VWC2: variants seen among roughly 807,000 people sequenced by gnomAD.
VWC2 encodes the protein von Willebrand factor C domain containing 2.
In VWC2, 14 loss-of-function variants were observed where a neutral mutation model predicts 29.8. That is an observed-to-expected ratio of 0.47 (90% CI 0.31 to 0.74). The LOEUF is 0.74. Among genes scored for constraint, VWC2 ranks in the 30% least tolerant of loss-of-function variants. The pLI is 0.05. For missense variants in VWC2, 457 were observed against 459.8 expected, an observed-to-expected ratio of 0.99 and a Z score of 0.05; for synonymous variants, 213 against 199.0, an observed-to-expected ratio of 1.07 and a Z score of -0.59.
chr7:49,815,425 A>G (rs979852030), intron 3 of VWC2, among the ~76,000 whole-genome samples: 1 of 152,204 alleles, frequency 6.6e-6, no homozygotes, highest in African/African-American at 2.4e-5. Flanking sequence ...ACATATCACC[A>G]TGTTGTTTTA....
chr7:49,847,892 T>G (rs1195666548), intron 3 of VWC2, among the ~76,000 whole-genome samples: 1 of 152,010 alleles, frequency 6.6e-6, no homozygotes, highest in East Asian at 1.9e-4. Context: ...ACAAGAAAAG[T>G]GCACTCACAG....
Position 49,775,883 on chromosome 7 carries a change from T to C in VWC2, c.448T>C (p.Tyr150His). 6.4e-7 allele frequency: 1 copy of C among 1,558,378 alleles called. No individual in the cohort carries two copies. The highest frequency in any genetic ancestry group is 8.7e-7 in the Non-Finnish European group (1 of 1,152,008). Residue 150 changes from tyrosine (Y) to histidine (H), a missense_variant, in exon 2 of 4, where the codon TAC becomes CAC. By Grantham distance (83) the Tyr-to-His change is moderately conservative (BLOSUM62 2). Transcript: ENST00000340652. Reference sequence around the variant, plus strand: ...ACCCGAGGAGTACGTGTACCCGGACTACCGTGGCAAGGGCTGCGTGGACGA... The same window carrying C: ...ACCCGAGGAGTACGTGTACCCGGACCACCGTGGCAAGGGCTGCGTGGACGA... ...EPPEEYVYPD[Y>H]RGKGCVDESG...
chr7:49,791,956 C>T (rs1380233535), intron 2 of VWC2, among the ~76,000 whole-genome samples: 2 of 152,160 alleles, frequency 1.3e-5, no homozygotes, highest in East Asian at 3.9e-4. Flanking sequence ...CTTGTGTCTG[C>T]TCTCTAGAAA....
chr7:49,834,207 C>T (rs1789603774), intron 3 of VWC2, among the ~76,000 whole-genome samples: 1 of 152,128 alleles, frequency 6.6e-6, no homozygotes, highest in South Asian at 2.1e-4. Flanking sequence ...TGAATATCAC[C>T]GTGTGGGTTA....
intron 2 of VWC2, among the ~76,000 whole-genome samples, chr7:49,789,456 C>T (rs1788415151): frequency 6.6e-6 from 1 of 151,982 alleles, no homozygotes; most frequent in South Asian, 2.1e-4. Context: ...CTCCTTATTA[C>T]ACACTTAGTT....
At chr7:49,805,231 G>A (rs1055493263) in intron 3 of VWC2, among the ~76,000 whole-genome samples, 6 of 152,146 alleles carry the variant, frequency 3.9e-5, no homozygotes, top group African/African-American at 1.4e-4. Context: ...ACTTCTAAAT[G>A]TTGACCCTTT....
chr7:49,912,265 C>A lies in VWC2; in HGVS notation c.*80C>A. On this transcript the variant is annotated 3_prime_UTR_variant, in exon 4 of 4. Coordinates refer to ENST00000340652, the MANE Select transcript of VWC2 (RefSeq NM_198570.5). ...CATTCTAGATGACTCTGGGAACTAT[C>A]AGTCAAAGAAGACTTTTGATGAGGA... 1 of 1,439,336 alleles carries A rather than the reference C, an allele frequency of 6.9e-7. No homozygotes were observed. Among genetic ancestry groups the A allele is most frequent in the Non-Finnish European group, 9.3e-7 (1 of 1,069,528 alleles). 89.2% of individuals were successfully genotyped at this position (1,439,336 alleles called of 1,614,324 possible).
chr7:49,835,467 C>T (rs1583659946), intron 3 of VWC2, among the ~76,000 whole-genome samples: 2 of 152,244 alleles, frequency 1.3e-5, no homozygotes, highest in African/African-American at 4.8e-5. Context: ...CAGGACTGAA[C>T]ACTTGTTAAA....
At chr7:49,821,176 T>C (rs1218817270) in intron 3 of VWC2, among the ~76,000 whole-genome samples, 1 of 152,152 alleles carries the variant, frequency 6.6e-6, no homozygotes, top group Non-Finnish European at 1.5e-5. Context: ...ACTTTTAATA[T>C]TGATTTTTGC....
In VWC2 at chr7:49,912,168, G is replaced by C. The variant is rs145296346; in HGVS notation, c.961G>C (p.Glu321Gln). 5.2e-4 allele frequency: 846 copies of C among 1,613,820 alleles called. 8 individuals are homozygous for C. Among genetic ancestry groups the C allele is most frequent in the Non-Finnish European group, 1.0e-4 (122 of 1,179,918 alleles). Residue 321 changes from glutamate (E) to glutamine (Q), a missense_variant, in exon 4 of 4, where the codon GAA (glutamate) becomes CAA (glutamine). By Grantham distance (29) the Glu-to-Gln change is conservative. Transcript: ENST00000340652. The stretch of plus-strand genomic sequence containing the variant: ...GCGGCAGGCCATGTGCACGAGACAT[G>C]AATGCAGGCAAATGTAGACGCTTCC... ...IERQAMCTRH[E>Q]CRQM
chr7:49,850,231 G>A (rs1398974590), intron 3 of VWC2, among the ~76,000 whole-genome samples: 2 of 150,390 alleles, frequency 1.3e-5, no homozygotes, highest in Non-Finnish European at 2.9e-5. Context: ...TTTGACTGTA[G>A]TAACCTGTCC....
At position 49,917,925 on chromosome 7, in the gene VWC2, T is replaced by G. The variant is rs909752136; in HGVS notation, c.*5740T>G. ...AATTCTATTTTCATTTCTATTAGTT[T>G]TCAGGGTTTATTCTTTTCCTAAGCA... is the stretch of plus-strand genomic sequence containing the variant. On this transcript the variant is annotated 3_prime_UTR_variant, in exon 4 of 4. Coordinates refer to ENST00000340652, the MANE Select transcript of VWC2 (RefSeq NM_198570.5). 4.6e-5 allele frequency: 7 copies of G among 152,190 alleles called. No homozygotes were observed. The highest frequency in any genetic ancestry group is 1.0e-4 in the Non-Finnish European group (7 of 68,018). 9.4% of individuals were successfully genotyped at this position (152,190 alleles called of 1,614,324 possible).
chr7:49,775,163 A>G (rs139962951), intron 1 of VWC2, among the ~76,000 whole-genome samples, 170 bp from the exon 2 acceptor site: 1,656 of 152,124 alleles, frequency 0.011, 23 homozygotes, highest in South Asian at 0.018. Context: ...ATCGCTCCAC[A>G]GTTTGTGATG....
chr7:49,854,162 C>A (rs1389668558), intron 3 of VWC2, among the ~76,000 whole-genome samples: 1 of 152,108 alleles, frequency 6.6e-6, no homozygotes, highest in Non-Finnish European at 1.5e-5. Context: ...GTGAATAGTG[C>A]CGCAATAAGC....
intron 3 of VWC2, among the ~76,000 whole-genome samples, chr7:49,881,687 T>A (rs1791668826): frequency 6.6e-6 from 1 of 152,180 alleles, no homozygotes; most frequent in Non-Finnish European, 1.5e-5. Context: ...TCCCTAAAAG[T>A]CTTTGGTTTG....
chr7:49,885,804 G>A (rs1309587552), intron 3 of VWC2, among the ~76,000 whole-genome samples: 2 of 152,216 alleles, frequency 1.3e-5, no homozygotes, highest in Admixed American at 6.5e-5. Flanking sequence ...ACTAGCACCG[G>A]GGACGCAGCC....
chr7:49,821,281 G>A (rs962263053), intron 3 of VWC2, among the ~76,000 whole-genome samples: 2 of 152,114 alleles, frequency 1.3e-5, no homozygotes, highest in African/African-American at 4.8e-5. Context: ...CAAACAAAAT[G>A]GAAAACATAA....
intron 3 of VWC2, among the ~76,000 whole-genome samples, chr7:49,871,335 C>T (rs1000673060): frequency 1.3e-4 from 20 of 152,092 alleles, no homozygotes; most frequent in East Asian, 1.9e-4. Flanking sequence ...AAAACCCCTG[C>T]GCATTAAGGT....
At chr7:49,830,071 T>C (rs547078021) in intron 3 of VWC2, among the ~76,000 whole-genome samples, 8 of 152,356 alleles carry the variant, frequency 5.3e-5, no homozygotes, top group African/African-American at 1.9e-4. Context: ...TATATTTTTC[T>C]TCCTTCAAAA....
Sources: gnomAD v4.1 joint callset for allele counts (sites outside exome capture counted in the v4.1 genomes callset) on GRCh38, gnomAD v4.1.1 for gene constraint, MANE v1.5 for transcripts, NCBI Gene and HGNC (gene_info 2026-07-23, HGNC 2026-07-21) for gene names.